The following UBE2R2 variants were observed in gnomAD, a reference collection of about 807,000 sequenced individuals.
UBE2R2 encodes the protein ubiquitin-conjugating enzyme E2 R2.
UBE2R2 carries 1 observed loss-of-function variant against 27.8 expected under a neutral mutation model. The ratio of observed to expected loss-of-function variants is 0.04; its 90% CI spans 0.01 to 0.17. The LOEUF (loss-of-function observed/expected upper bound fraction) is 0.17. Ranked by LOEUF, UBE2R2 falls within the 10% of genes least tolerant of loss-of-function variation. The pLI is 1.00. For synonymous variants in UBE2R2, 106 were observed against 113.3 expected (o/e 0.94, Z 0.41); for missense variants, 100 against 291.0 (o/e 0.34, Z 4.78).
At position 33,897,436 on chromosome 9, in the gene UBE2R2, G is replaced by A. The variant is rs538077291; in HGVS notation, c.265-2738G>A. Among the ~76,000 whole-genome samples the A allele has an allele frequency of 2.1e-4, 32 of 151,452 alleles. No individual in the cohort carries two copies. The East Asian group carries it at 5.6e-3, about 27-fold the overall frequency. On this transcript the variant is annotated intron_variant, in intron 2 of 4. Coordinates refer to ENST00000263228, the MANE Select transcript of UBE2R2 (RefSeq NM_017811.4). ...GGGTTCAAGTGATTCTCCTGTCTCA[G>A]CCTCCCGAGTAGCTGGGATTACAGG...
chr9:33,887,469 C>G (rs1047953940), intron 2 of UBE2R2, among the ~76,000 whole-genome samples: 4 of 152,176 alleles, frequency 2.6e-5, no homozygotes, highest in African/African-American at 9.7e-5. Flanking sequence ...GGTTCTTGTA[C>G]TAGACAAGTG....
intron 3 of UBE2R2, 116 bp from the exon 4 acceptor site, chr9:33,911,847 AG>A: frequency 1.0e-6 from 1 of 973,096 alleles, no homozygotes; most frequent in Non-Finnish European, 1.4e-6. Flanking sequence ...TAATTGTATC[AG>A]AAAAATTTTA....
rs1029040624 is a variant in UBE2R2 at position 33,912,156 on chromosome 9, C to G, written c.497+58C>G. 19 of 1,447,768 alleles carry G rather than the reference C, an allele frequency of 1.3e-5. No homozygotes were observed. In the African/African-American group the frequency reaches 2.6e-4, roughly 20 times the overall value. The allele number at this position is 1,447,768 out of a possible 1,614,324, so 89.7% of individuals were successfully genotyped here. A position where few individuals can be genotyped will look rare whatever the true frequency, so the allele number is the denominator to read the frequency against. ...ACAAAACCAAAATATATTCTGGAACCAAGGGTTTAAATCAAACTTAAATAT... is the reference window on the plus strand; with the variant it reads ...ACAAAACCAAAATATATTCTGGAACGAAGGGTTTAAATCAAACTTAAATAT... On this transcript the variant is annotated intron_variant, in intron 4 of 4. Coordinates refer to ENST00000263228, the MANE Select transcript of UBE2R2 (RefSeq NM_017811.4).
intron 1 of UBE2R2, among the ~76,000 whole-genome samples, chr9:33,836,252 A>G (rs940981587): frequency 4.6e-5 from 7 of 152,194 alleles, no homozygotes; most frequent in African/African-American, 1.7e-4. Flanking sequence ...CCTAGGAGCA[A>G]TAGGCTATAC....
intron 1 of UBE2R2, among the ~76,000 whole-genome samples, chr9:33,851,101 G>A (rs757637554): frequency 2.7e-4 from 41 of 152,110 alleles, no homozygotes; most frequent in Non-Finnish European, 5.3e-4. Flanking sequence ...ATTCCCCTCT[G>A]AATCCTTAGG....
intron 4 of UBE2R2, among the ~76,000 whole-genome samples, chr9:33,913,380 T>A (rs1822538878): frequency 1.3e-5 from 2 of 152,168 alleles, no homozygotes; most frequent in Non-Finnish European, 2.9e-5. Context: ...CACCTGGGCC[T>A]CCTGAGTAAC....
At chr9:33,895,768 C>CTTTTTTTTTTTTTTTTTTTTTTT (rs776870484) in intron 2 of UBE2R2, among the ~76,000 whole-genome samples, 1 of 90,270 alleles carries the variant, frequency 1.1e-5, no homozygotes, top group Non-Finnish European at 2.1e-5. Flanking sequence ...CTCTCTCTCT[C>CTTTTTTTTTTTTTTTTTTTTTTT]TTTTTTTTTT....
In UBE2R2 at chr9:33,918,921, A is replaced by C. The variant is rs1466258163; in HGVS notation, c.*1684A>C. 6.6e-6 allele frequency: 1 copy of C among 152,304 alleles called. No homozygotes were observed. The highest frequency in any genetic ancestry group is 1.9e-4 in the East Asian group (1 of 5,210). 9.4% of individuals were successfully genotyped at this position (152,304 alleles called of 1,614,324 possible). A position where few individuals can be genotyped will look rare whatever the true frequency, so the allele number is the denominator to read the frequency against. ...GTTTTCACTCTTCAAACTCCCAAAC[A>C]CATGACTTCTTCCCAGCAGCCCTTC... On this transcript the variant is annotated 3_prime_UTR_variant, in exon 5 of 5. Transcript: ENST00000263228.
In UBE2R2 at chr9:33,817,712, A is replaced by AGGACTG; in HGVS notation, c.-43_-38dup. 1 of 1,409,922 alleles carries AGGACTG rather than the reference A, an allele frequency of 7.1e-7. No homozygotes were observed. The highest frequency in any genetic ancestry group is 9.2e-7 in the Non-Finnish European group (1 of 1,082,372). The allele number at this position is 1,409,922 out of a possible 1,614,324, so 87.3% of individuals were successfully genotyped here. ...CCTGGTCCGGCCCGGCCGGTGCGTG[A>AGGACTG]GGACTGGGGCCCGGGCCCGGCGCCG... On this transcript the variant is annotated 5_prime_UTR_variant, in exon 1 of 5. Coordinates refer to ENST00000263228, the MANE Select transcript of UBE2R2 (RefSeq NM_017811.4).
rs528126926 is a variant in UBE2R2 at position 33,886,472 on chromosome 9, T to G, written c.178-409T>G. 7.2e-5 allele frequency among the ~76,000 whole-genome samples: 11 copies of G among 152,090 alleles called. No individual in the cohort carries two copies. The South Asian group carries it at 2.3e-3, about 32-fold the overall frequency. ...GAGATTGAGACCATCCTGGCCAACA[T>G]GGTGAAACCCCGTCTCTACTAAAAA... On this transcript the variant is annotated intron_variant, in intron 1 of 4. Transcript: ENST00000263228.
chr9:33,848,900 G>A (rs923956384), intron 1 of UBE2R2, among the ~76,000 whole-genome samples: 10 of 151,218 alleles, frequency 6.6e-5, no homozygotes, highest in South Asian at 2.1e-4. Flanking sequence ...TACCACACCC[G>A]CCGAGTCTAA....
chr9:33,881,842 C>T (rs1269460258), intron 1 of UBE2R2, among the ~76,000 whole-genome samples: 1 of 152,170 alleles, frequency 6.6e-6, no homozygotes, highest in South Asian at 2.1e-4. Context: ...GGTAGAGCTA[C>T]TATTTCTTTC....
intron 1 of UBE2R2, among the ~76,000 whole-genome samples, chr9:33,856,913 T>G (rs1163559564): frequency 3.8e-5 from 4 of 106,014 alleles, no homozygotes; most frequent in Non-Finnish European, 7.7e-5. Context: ...TTTTTTTTTT[T>G]TGAGACAGAG....
chr9:33,895,960 A>G (rs560721896), intron 2 of UBE2R2, among the ~76,000 whole-genome samples: 11 of 151,454 alleles, frequency 7.3e-5, no homozygotes, highest in African/African-American at 2.7e-4. Context: ...TTTTGTAGAG[A>G]CGGGGTTTCA....
intron 1 of UBE2R2, among the ~76,000 whole-genome samples, chr9:33,840,430 GT>G (rs1313631944): frequency 2.0e-5 from 3 of 151,284 alleles, no homozygotes; most frequent in African/African-American, 7.3e-5. Context: ...TTTTTCCTTA[GT>G]TTTTATGTTG....
chr9:33,866,480 C>T (rs562839666), intron 1 of UBE2R2, among the ~76,000 whole-genome samples: 1 of 152,290 alleles, frequency 6.6e-6, no homozygotes, highest in South Asian at 2.1e-4. Context: ...TTCAGGCGAT[C>T]CACCCGCCTA....
At chr9:33,832,164 C>T (rs998827061) in intron 1 of UBE2R2, among the ~76,000 whole-genome samples, 38 of 151,130 alleles carry the variant, frequency 2.5e-4, no homozygotes, top group African/African-American at 9.2e-4. Context: ...CAAAATTAGG[C>T]AGGCGTGGTG....
At chr9:33,825,028 T>C (rs1820282758) in intron 1 of UBE2R2, among the ~76,000 whole-genome samples, 1 of 152,134 alleles carries the variant, frequency 6.6e-6, no homozygotes, top group Admixed American at 6.6e-5. Flanking sequence ...TTCTCCTTTT[T>C]TCACCTTTTG....
At position 33,918,234 on chromosome 9, in the gene UBE2R2, T is replaced by A. The variant is rs1480744303; in HGVS notation, c.*997T>A. 6.6e-6 allele frequency: 1 copy of A among 152,110 alleles called. No individual in the cohort carries two copies. The highest frequency in any genetic ancestry group is 2.4e-5 in the African/African-American group (1 of 41,390). The allele number at this position is 152,110 out of a possible 1,614,324, so 9.4% of individuals were successfully genotyped here. On this transcript the variant is annotated 3_prime_UTR_variant, in exon 5 of 5. Coordinates refer to ENST00000263228, the MANE Select transcript of UBE2R2 (RefSeq NM_017811.4). ...AAAAATACACTCGTACCATGACGTT[T>A]TGTTTTTGTTTTTTAAGTAGCCACT...
Sources: gnomAD v4.1 joint callset for allele counts (sites outside exome capture counted in the v4.1 genomes callset) on GRCh38, gnomAD v4.1.1 for gene constraint, MANE v1.5 for transcripts, NCBI Gene and HGNC (gene_info 2026-07-23, HGNC 2026-07-21) for gene names.